Variants in GLI2 observed in about 807,000 individuals in gnomAD.
GLI2 encodes GLI family zinc finger 2.
Under a neutral mutation model 78.9 loss-of-function variants are expected in GLI2, and 22 were observed. That is an observed-to-expected ratio of 0.28 (90% CI 0.20 to 0.40). The LOEUF (loss-of-function observed/expected upper bound fraction) is 0.40. Among genes scored for constraint, GLI2 ranks in the 10% least tolerant of loss-of-function variants. The pLI, the probability that GLI2 is intolerant of heterozygous loss-of-function variation, is 1.00. For synonymous variants in GLI2, 974 were observed against 963.7 expected, an observed-to-expected ratio of 1.01 and a Z score of -0.20; for missense variants, 2,097 against 2,213.2, an observed-to-expected ratio of 0.95 and a Z score of 1.05.
chr2:120,812,917 C>T (rs1365289017), intron 2 of GLI2, among the ~76,000 whole-genome samples: 1 of 152,188 alleles, frequency 6.6e-6, no homozygotes, highest in Non-Finnish European at 1.5e-5. Context: ...TCTCTTCTTT[C>T]TGTGTGTCCC....
intron 1 of GLI2, among the ~76,000 whole-genome samples, chr2:120,756,799 C>G (rs1195017190): frequency 6.6e-6 from 1 of 152,084 alleles, no homozygotes; most frequent in African/African-American, 2.4e-5. Context: ...TAGTTTTTAT[C>G]AAATTTGGAA....
intron 1 of GLI2, among the ~76,000 whole-genome samples, chr2:120,742,399 A>C (rs1275963098): frequency 1.3e-5 from 2 of 152,170 alleles, no homozygotes; most frequent in Non-Finnish European, 2.9e-5. Context: ...AGTCAGCCAG[A>C]CTTTTGAGCC....
intron 1 of GLI2, among the ~76,000 whole-genome samples, chr2:120,743,748 G>T (rs1460966685): frequency 6.6e-6 from 1 of 152,220 alleles, no homozygotes; most frequent in Non-Finnish European, 1.5e-5. Context: ...CCTATCTCTG[G>T]GAAGGGGGCG....
chr2:120,940,476 G>T lies in GLI2; in HGVS notation c.255-10767G>T, dbSNP rs527552203. 7.9e-5 allele frequency among the ~76,000 whole-genome samples: 12 copies of T among 152,152 alleles called. No individual in the cohort carries two copies. In the South Asian group the frequency reaches 2.1e-3, roughly 26 times the overall value. On this transcript the variant is annotated intron_variant, in intron 3 of 13. Transcript: ENST00000361492. ...CATTCCATTCTCTTATAAGAGTCTG[G>T]GCACAGTTCAGATGCCACCTCCTGC...
At chr2:120,972,793 A>G (rs1280447111) in intron 8 of GLI2, 1 of 465,340 alleles carries the variant, frequency 2.1e-6, no homozygotes, top group Non-Finnish European at 4.3e-6. Flanking sequence ...GGAGCAGCCC[A>G]CAGCCCAGTG....
Position 120,989,665 on chromosome 2 carries a change from C to T in GLI2, c.3700C>T (p.His1234Tyr). ...MSPHACYGQVHPQLSPSTISG... is the reference protein window; with the variant it reads ...MSPHACYGQVYPQLSPSTISG... ...CCCCCATGCCTGCTATGGCCAAGTC[C>T]ACCCCCAGCTGAGCCCCAGCACCAT... The change falls in exon 14 of 14, where the codon CAC (histidine) becomes TAC (tyrosine). Residue 1234 changes from histidine to tyrosine, a missense_variant. His to Tyr is a moderately conservative substitution (Grantham distance 83). Around this residue, in one of 5 missense-constraint regions of GLI2, gnomAD observed 1,290 missense variants for 1,261.7 expected, o/e 1.02. Transcript: ENST00000361492. The T allele has an allele frequency of 1.2e-6, 2 of 1,613,412 alleles. No homozygotes were observed. Among genetic ancestry groups the T allele is most frequent in the Non-Finnish European group, 1.7e-6 (2 of 1,179,986 alleles).
At chr2:120,984,208 A>T (rs773348303) in intron 11 of GLI2, among the ~76,000 whole-genome samples, 3 of 152,160 alleles carry the variant, frequency 2.0e-5, no homozygotes, top group Non-Finnish European at 2.9e-5. Context: ...CACGAGGCAC[A>T]TGTGTCCCCA....
At chr2:120,751,502 A>T (rs973002214) in intron 1 of GLI2, among the ~76,000 whole-genome samples, 1 of 152,362 alleles carries the variant, frequency 6.6e-6, no homozygotes, top group African/African-American at 2.4e-5. Context: ...ATAAGTAATT[A>T]TTCTCCAAAC....
intron 2 of GLI2, among the ~76,000 whole-genome samples, chr2:120,905,065 G>A (rs920234810): frequency 4.8e-4 from 73 of 152,244 alleles, no homozygotes; most frequent in African/African-American, 1.7e-3. Context: ...CCGACACAGG[G>A]CACTTATCTC....
At chr2:120,880,024 T>C (rs1444087961) in intron 2 of GLI2, among the ~76,000 whole-genome samples, 1 of 152,214 alleles carries the variant, frequency 6.6e-6, no homozygotes, top group Admixed American at 6.5e-5. Context: ...AATAAATCGG[T>C]GTGGCCAGAG....
chr2:120,934,756 G>A (rs1459766900), intron 3 of GLI2, among the ~76,000 whole-genome samples: 1 of 152,124 alleles, frequency 6.6e-6, no homozygotes, highest in South Asian at 2.1e-4. Flanking sequence ...ATGTTAATGG[G>A]GATGTTTAGC....
chr2:120,804,141 T>C (rs1456540039), intron 2 of GLI2, among the ~76,000 whole-genome samples: 1 of 152,202 alleles, frequency 6.6e-6, no homozygotes, highest in South Asian at 2.1e-4. Flanking sequence ...GCTGTGCAAA[T>C]AGCAGAATAT....
At chr2:120,814,647 G>A (rs1310091640) in intron 2 of GLI2, among the ~76,000 whole-genome samples, 2 of 152,258 alleles carry the variant, frequency 1.3e-5, no homozygotes, top group East Asian at 1.9e-4. Context: ...GATCAGCAGC[G>A]GCATTACATT....
chr2:120,868,878 G>A lies in GLI2; in HGVS notation c.149-58483G>A, dbSNP rs116266327. 6.0e-3 allele frequency among the ~76,000 whole-genome samples: 915 copies of A among 152,262 alleles called. 6 individuals are homozygous for A. Among genetic ancestry groups the A allele is most frequent in the African/African-American group, 0.021 (858 of 41,554 alleles). ...TTCTGAGAGGGAAAGAGGAGCTCAA[G>A]GAAGAGGGGAAAGGTCATTGCCCTT... is the stretch of plus-strand genomic sequence containing the variant. On this transcript the variant is annotated intron_variant, in intron 2 of 13. Transcript: ENST00000361492.
At chr2:120,751,970 G>A (rs1236138510) in intron 1 of GLI2, among the ~76,000 whole-genome samples, 1 of 152,200 alleles carries the variant, frequency 6.6e-6, no homozygotes, top group Admixed American at 6.5e-5. Context: ...TGATGCAAAA[G>A]TAATAAAGAT....
intron 3 of GLI2, among the ~76,000 whole-genome samples, chr2:120,939,416 GC>G (rs1680350348): frequency 6.6e-6 from 1 of 152,134 alleles, no homozygotes; most frequent in Non-Finnish European, 1.5e-5. Flanking sequence ...CCAATCTCCT[GC>G]CTCAGGTCCT....
At chr2:120,904,679 C>G (rs970947576) in intron 2 of GLI2, among the ~76,000 whole-genome samples, 1 of 152,174 alleles carries the variant, frequency 6.6e-6, no homozygotes, top group African/African-American at 2.4e-5. Flanking sequence ...CACTGGGGAG[C>G]TTTTTAAAAC....
intron 2 of GLI2, among the ~76,000 whole-genome samples, chr2:120,812,205 G>A (rs959822771): frequency 3.9e-5 from 6 of 152,170 alleles, no homozygotes; most frequent in African/African-American, 4.8e-5. Flanking sequence ...AACTCATCCC[G>A]AAGCCAGCTG....
chr2:120,832,077 G>C (rs796257353), intron 2 of GLI2, among the ~76,000 whole-genome samples: 2 of 152,186 alleles, frequency 1.3e-5, no homozygotes, highest in Non-Finnish European at 2.9e-5. Flanking sequence ...TGGTGGAGAG[G>C]AATCAGTGTG....
Sources: gnomAD v4.1 joint callset for allele counts (sites outside exome capture counted in the v4.1 genomes callset) on GRCh38, gnomAD v4.1.1 for gene constraint, gnomAD v4.1.1 regional missense constraint, MANE v1.5 for transcripts, NCBI Gene and HGNC (gene_info 2026-07-23, HGNC 2026-07-21) for gene names.